The following MEI4 variants were observed in gnomAD, a reference collection of about 807,000 sequenced individuals.
MEI4 encodes meiotic double-stranded break formation protein 4, also known as meiosis-specific protein MEI4.
In MEI4, 27 loss-of-function variants were observed where a neutral mutation model predicts 31.4. The observed-to-expected ratio is 0.86, with a 90% CI of 0.63 to 1.19. MEI4 has a LOEUF of 1.19. Among genes scored for constraint, MEI4 ranks in the 50% most tolerant of loss-of-function variants. The pLI, the probability that MEI4 is intolerant of heterozygous loss-of-function variation, is 0.00. For synonymous variants in MEI4, 122 were observed against 145.4 expected (o/e 0.84, Z 1.16); for missense variants, 329 against 398.9 (o/e 0.82, Z 1.49).
chr6:77,917,643 G>C (rs1390121384), intron 4 of MEI4, among the ~76,000 whole-genome samples: 1 of 70,512 alleles, frequency 1.4e-5, no homozygotes, highest in Admixed American at 1.6e-4. Context: ...ATTTGTTTGA[G>C]TTCATTGTAG....
chr6:77,692,557 A>T (rs1006020139), intron 2 of MEI4, among the ~76,000 whole-genome samples: 9 of 152,088 alleles, frequency 5.9e-5, no homozygotes, highest in African/African-American at 2.2e-4. Context: ...TAGTGAGTTG[A>T]ATTAGATCTG....
intron 4 of MEI4, among the ~76,000 whole-genome samples, chr6:77,837,814 A>G (rs1390546708): frequency 6.6e-6 from 1 of 152,208 alleles, no homozygotes; most frequent in African/African-American, 2.4e-5. Context: ...GGAACTGTTA[A>G]TTTTTAAAAC....
intron 3 of MEI4, among the ~76,000 whole-genome samples, chr6:77,821,023 A>G (rs2127708386): frequency 6.6e-6 from 1 of 151,822 alleles, no homozygotes; most frequent in East Asian, 1.9e-4. Flanking sequence ...TCTTTCCTAT[A>G]TTATGGATGA....
At chr6:77,813,201 G>T (rs1769614335) in intron 3 of MEI4, among the ~76,000 whole-genome samples, 1 of 152,018 alleles carries the variant, frequency 6.6e-6, no homozygotes, top group African/African-American at 2.4e-5. Context: ...GCTTAACATA[G>T]GGTCAGTAAA....
intron 1 of MEI4, among the ~76,000 whole-genome samples, chr6:77,680,816 A>C (rs1354007340): frequency 1.3e-5 from 2 of 152,162 alleles, no homozygotes; most frequent in Non-Finnish European, 2.9e-5. Context: ...TGCTGTCTGA[A>C]ATTTGTGGTG....
chr6:77,699,184 A>G (rs1766139849), intron 2 of MEI4, among the ~76,000 whole-genome samples: 1 of 122,756 alleles, frequency 8.1e-6, no homozygotes, highest in Non-Finnish European at 1.7e-5. Flanking sequence ...TTTTTTTCAA[A>G]GTTTCTTTTT....
intron 2 of MEI4, among the ~76,000 whole-genome samples, chr6:77,735,267 A>C (rs1290860126): frequency 1.3e-5 from 2 of 151,468 alleles, no homozygotes; most frequent in African/African-American, 2.4e-5. Flanking sequence ...ACTTTCAGGT[A>C]CACCAATCAG....
chr6:77,884,321 A>G (rs985520271), intron 4 of MEI4, among the ~76,000 whole-genome samples: 1 of 151,994 alleles, frequency 6.6e-6, no homozygotes, highest in African/African-American at 2.4e-5. Flanking sequence ...CACTCTGTTG[A>G]TTTTTCCTTT....
At chr6:77,890,833 G>A (rs1427973608) in intron 4 of MEI4, among the ~76,000 whole-genome samples, 1 of 152,096 alleles carries the variant, frequency 6.6e-6, no homozygotes. Flanking sequence ...AGATCTGATG[G>A]CTTTATAAGG....
intron 4 of MEI4, among the ~76,000 whole-genome samples, chr6:77,833,264 A>G (rs907928234): frequency 6.6e-6 from 1 of 152,128 alleles, no homozygotes; most frequent in East Asian, 1.9e-4. Context: ...TCTTTATGTT[A>G]TCATAGACTG....
intron 1 of MEI4, among the ~76,000 whole-genome samples, chr6:77,677,823 T>A (rs911205003): frequency 1.4e-4 from 21 of 152,320 alleles, no homozygotes; most frequent in African/African-American, 5.1e-4. Context: ...CTCAAAAGTT[T>A]TATTTTAAGA....
intron 2 of MEI4, among the ~76,000 whole-genome samples, chr6:77,743,755 C>G (rs1487778255): frequency 6.6e-6 from 1 of 152,166 alleles, no homozygotes; most frequent in Admixed American, 6.5e-5. Context: ...TGGCCAGGTA[C>G]TCCTCTGAGA....
intron 4 of MEI4, among the ~76,000 whole-genome samples, chr6:77,872,354 A>C (rs964202762): frequency 6.6e-6 from 1 of 152,032 alleles, no homozygotes; most frequent in African/African-American, 2.4e-5. Flanking sequence ...CCAGGGCAGG[A>C]GGATTGCTTG....
chr6:77,800,346 G>C (rs9359292), intron 3 of MEI4, among the ~76,000 whole-genome samples: 22 of 152,094 alleles, frequency 1.4e-4, no homozygotes, highest in Non-Finnish European at 2.5e-4. Context: ...CATTGATTTT[G>C]TATCCTGAGA....
intron 4 of MEI4, among the ~76,000 whole-genome samples, chr6:77,862,798 C>T (rs1323082715): frequency 2.6e-5 from 4 of 152,156 alleles, no homozygotes; most frequent in East Asian, 1.9e-4. Context: ...CCCTGACCCC[C>T]AAGTAGCCTA....
At chr6:77,809,500 CTTATAT>C (rs572377011) in intron 3 of MEI4, among the ~76,000 whole-genome samples, 59 of 152,280 alleles carry the variant, frequency 3.9e-4, no homozygotes, top group Non-Finnish European at 7.4e-4. Context: ...ATAGATTTCT[CTTATAT>C]TTAGATTTTA....
chr6:77,652,969 C>T (rs1768325912), upstream of MEI4, among the ~76,000 whole-genome samples: 1 of 152,158 alleles, frequency 6.6e-6, no homozygotes, highest in East Asian at 1.9e-4. Context: ...AAGGAATTTT[C>T]AAGAATAGAA....
intron 2 of MEI4, among the ~76,000 whole-genome samples, chr6:77,746,341 C>G (rs151261934): frequency 6.6e-6 from 1 of 152,062 alleles, no homozygotes; most frequent in African/African-American, 2.4e-5. Flanking sequence ...AGATTACCTC[C>G]GAAATGTAGG....
intron 4 of MEI4, among the ~76,000 whole-genome samples, chr6:77,848,928 G>C (rs551527421): frequency 1.3e-5 from 2 of 152,062 alleles, no homozygotes; most frequent in East Asian, 3.9e-4. Flanking sequence ...GAATGTCCTG[G>C]GGTAAGCCAC....
Sources: gnomAD v4.1 joint callset for allele counts (sites outside exome capture counted in the v4.1 genomes callset) on GRCh38, gnomAD v4.1.1 for gene constraint, MANE v1.5 for transcripts, NCBI Gene and HGNC (gene_info 2026-07-23, HGNC 2026-07-21) for gene names.